The following ATP8B4 variants were observed in gnomAD, a reference collection of about 807,000 sequenced individuals.
The protein encoded by ATP8B4 is probable phospholipid-transporting ATPase IM.
In ATP8B4, 133 loss-of-function variants were observed where a neutral mutation model predicts 145.6. The observed-to-expected ratio is 0.91, with a 90% CI of 0.79 to 1.05. ATP8B4 has a LOEUF of 1.05. Ranked by LOEUF, ATP8B4 falls within the 50% of genes least tolerant of loss-of-function variation. ATP8B4 has a pLI of 0.00. For synonymous variants in ATP8B4, 507 were observed against 492.9 expected (o/e 1.03, Z -0.38); for missense variants, 1,458 against 1,425.2 (o/e 1.02, Z -0.37).
chr15:50,004,597 A>G (rs1451269789), intron 7 of ATP8B4, among the ~76,000 whole-genome samples: 2 of 152,218 alleles, frequency 1.3e-5, no homozygotes, highest in Admixed American at 6.5e-5. Context: ...AGGGTTTACT[A>G]TGTGTCCAGC....
chr15:49,961,612 C>A (rs541247399), intron 14 of ATP8B4, among the ~76,000 whole-genome samples: 1 of 151,872 alleles, frequency 6.6e-6, no homozygotes, highest in African/African-American at 2.4e-5. Flanking sequence ...TTAAAAAGAA[C>A]GAGAAAGTAC....
At chr15:49,895,640 T>C (rs1244933612) in intron 23 of ATP8B4, 1 of 152,218 alleles carries the variant, frequency 6.6e-6, no homozygotes, top group African/African-American at 2.4e-5. Context: ...TTTGGGGCAA[T>C]TATTGTTCTC....
At chr15:50,098,777 G>A (rs981531566) in intron 2 of ATP8B4, among the ~76,000 whole-genome samples, 2 of 152,030 alleles carry the variant, frequency 1.3e-5, no homozygotes, top group Admixed American at 1.3e-4. Flanking sequence ...TCTGATTCAG[G>A]GCTGACTTAT....
chr15:50,041,657 T>A (rs2051292163), intron 5 of ATP8B4, among the ~76,000 whole-genome samples: 1 of 152,142 alleles, frequency 6.6e-6, no homozygotes, highest in African/African-American at 2.4e-5. Context: ...TTGTTAAAAA[T>A]CTGGGGCCAG....
intron 13 of ATP8B4, among the ~76,000 whole-genome samples, chr15:49,964,903 C>T (rs1326795112): frequency 6.6e-6 from 1 of 152,016 alleles, no homozygotes; most frequent in Non-Finnish European, 1.5e-5. Context: ...AAAAAAAATC[C>T]AAAAGGTCCC....
chr15:50,076,705 A>G (rs1042183552), intron 2 of ATP8B4, among the ~76,000 whole-genome samples: 5 of 152,148 alleles, frequency 3.3e-5, no homozygotes, highest in African/African-American at 9.7e-5. Context: ...ATCCTTCTTA[A>G]TAAGTCTTAA....
chr15:49,991,674 A>G (rs1318498224), intron 9 of ATP8B4, among the ~76,000 whole-genome samples: 1 of 152,166 alleles, frequency 6.6e-6, no homozygotes, highest in Non-Finnish European at 1.5e-5. Flanking sequence ...AAATATTTTC[A>G]TGAGAACTTT....
At chr15:49,860,982 T>C (rs1256491690) in intron 27 of ATP8B4, among the ~76,000 whole-genome samples, 2 of 152,160 alleles carry the variant, frequency 1.3e-5, no homozygotes, top group African/African-American at 4.8e-5. Flanking sequence ...TAGGTTTGTA[T>C]GGCCTTTCTA....
intron 23 of ATP8B4, among the ~76,000 whole-genome samples, chr15:49,892,548 C>G (rs1194334280): frequency 6.6e-6 from 1 of 152,072 alleles, no homozygotes; most frequent in African/African-American, 2.4e-5. Flanking sequence ...TTATTGTTTT[C>G]AAAACACTAG....
At position 50,074,050 on chromosome 15, in the gene ATP8B4, G is replaced by A; in HGVS notation, c.87+77C>T. On this transcript the variant is annotated intron_variant, in intron 3 of 27. Transcript: ENST00000284509. ...AGAAAGTTTTTGGTGAAGTCATAAA[G>A]TTCTAGAAGACATGCATCCCACTGT... 6 of 1,340,366 alleles carry A rather than the reference G, an allele frequency of 4.5e-6. No homozygotes were observed. In the Middle Eastern group the frequency reaches 7.3e-4, roughly 163 times the overall value. The allele number at this position is 1,340,366 out of a possible 1,614,324, so 83.0% of individuals were successfully genotyped here.
At chr15:50,046,231 GA>G (rs2051706001) in intron 4 of ATP8B4, among the ~76,000 whole-genome samples, 1 of 152,076 alleles carries the variant, frequency 6.6e-6, no homozygotes, top group Non-Finnish European at 1.5e-5. Flanking sequence ...TGGAGCAACA[GA>G]AAAAGTAATT....
intron 6 of ATP8B4, among the ~76,000 whole-genome samples, chr15:50,027,462 T>C (rs1229558089): frequency 6.6e-6 from 1 of 152,074 alleles, no homozygotes; most frequent in Non-Finnish European, 1.5e-5. Flanking sequence ...ACCTCTATCA[T>C]ATCCCTGAGG....
chr15:50,098,403 G>A (rs981479186), intron 2 of ATP8B4, among the ~76,000 whole-genome samples: 8 of 146,180 alleles, frequency 5.5e-5, no homozygotes, highest in African/African-American at 1.8e-4. Flanking sequence ...GCTATCCTCC[G>A]AGCTCAGTCT....
rs1244724094 is a variant in ATP8B4 at position 50,168,541 on chromosome 15, C to T, written c.-43+13720G>A. ...GAAAGGCCCTGGGAGCTCGCTGGGC[C>T]CTCAAGCAGCCCATTCCTGCCTGAC... On this transcript the variant is annotated intron_variant, in intron 1 of 3. Transcript: ENST00000558829. 2.6e-5 allele frequency among the ~76,000 whole-genome samples: 4 copies of T among 152,120 alleles called. No homozygotes were observed. In the South Asian group the frequency reaches 8.3e-4, roughly 32 times the overall value.
Position 49,988,675 on chromosome 15 carries a change from G to A in ATP8B4, c.590-1126C>T, listed in dbSNP as rs553556713. Among the ~76,000 whole-genome samples, 21 of 152,246 alleles carry A rather than the reference G, an allele frequency of 1.4e-4. 1 individual carries two copies. In the South Asian group the frequency reaches 3.7e-3, roughly 27 times the overall value. ...ATAAAAAGGGGACTGTATCTTTAGCGCTGATTAAAGAGAAAGGGGACCACG... is the reference window on the plus strand; with the variant it reads ...ATAAAAAGGGGACTGTATCTTTAGCACTGATTAAAGAGAAAGGGGACCACG... On this transcript the variant is annotated intron_variant, in intron 9 of 27. Transcript: ENST00000284509.
At chr15:50,047,278 A>G (rs1337596293) in intron 4 of ATP8B4, 73 bp downstream of exon 4, 28 of 940,532 alleles carry the variant, frequency 3.0e-5, no homozygotes, top group Non-Finnish European at 4.7e-5. Context: ...AGCTAAGTAA[A>G]TTGACTTACT....
At chr15:50,025,301 T>C (rs2049922672) in intron 6 of ATP8B4, among the ~76,000 whole-genome samples, 1 of 152,204 alleles carries the variant, frequency 6.6e-6, no homozygotes, top group African/African-American at 2.4e-5. Flanking sequence ...ATCTCTCTGT[T>C]ATGAGGAAAA....
intron 6 of ATP8B4, among the ~76,000 whole-genome samples, chr15:50,029,233 C>A (rs1478653165): frequency 7.0e-5 from 2 of 28,770 alleles, no homozygotes; most frequent in Non-Finnish European, 1.0e-4. Context: ...AGCAAGACTC[C>A]ATCTTAAAAA....
chr15:50,128,668 G>A (rs965585368), intron 1 of ATP8B4, among the ~76,000 whole-genome samples: 1 of 152,302 alleles, frequency 6.6e-6, no homozygotes, highest in South Asian at 2.1e-4. Context: ...AAAAGACTGT[G>A]GTTGGTAAAT....
Sources: gnomAD v4.1 joint callset for allele counts (sites outside exome capture counted in the v4.1 genomes callset) on GRCh38, gnomAD v4.1.1 for gene constraint, MANE v1.5 for transcripts, NCBI Gene and HGNC (gene_info 2026-07-23, HGNC 2026-07-21) for gene names.